GCN1: variants seen among roughly 807,000 people sequenced by gnomAD.
The protein encoded by GCN1 is stalled ribosome sensor GCN1.
GCN1 carries 90 observed loss-of-function variants against 288.4 expected under a neutral mutation model. The ratio of observed to expected loss-of-function variants is 0.31; its 90% CI spans 0.26 to 0.37. The LOEUF (loss-of-function observed/expected upper bound fraction) is 0.37. GCN1 is among the 10% of genes least tolerant of loss of function. The pLI, the probability that GCN1 is intolerant of heterozygous loss-of-function variation, is 1.00. For synonymous variants in GCN1, 1,386 were observed against 1,420.2 expected, an observed-to-expected ratio of 0.98 and a Z score of 0.54; for missense variants, 2,586 against 3,419.9, an observed-to-expected ratio of 0.76 and a Z score of 6.08.
At chr12:120,170,578 G>A (rs1878283712) in intron 14 of GCN1, among the ~76,000 whole-genome samples, 1 of 152,160 alleles carries the variant, frequency 6.6e-6, no homozygotes, top group African/African-American at 2.4e-5. Flanking sequence ...GGAGGCCGAG[G>A]CGGGTGGATC....
rs1297546200 is a variant in GCN1 at position 120,137,923 on chromosome 12, A to T, written c.6371T>A (p.Leu2124His). The T allele has an allele frequency of 1.2e-6, 2 of 1,614,100 alleles. No homozygotes were observed. Among genetic ancestry groups the T allele is most frequent in the South Asian group, 1.1e-5 (1 of 91,092 alleles). Residue 2124 changes from leucine to histidine, a missense_variant, in exon 48 of 58, where the codon CTT becomes CAT. Physicochemically the swap from Leu to His is moderately conservative, Grantham distance 99 (BLOSUM62 -3). Transcript: ENST00000300648. The surrounding 1 kb of genome is among the most constrained non-coding windows in gnomAD (Gnocchi z 5.2). ...PAVMLALKEK[L>H]GTPDEQLEMA... ...TACCAGCTGCTCATCTGGGGTCCCA[A>T]GCTTTTCCTTCAGGGCCAGCATGAC...
At chr12:120,157,172 G>A in intron 26 of GCN1, 180 bp from the exon 27 acceptor site, 1 of 508,210 alleles carries the variant, frequency 2.0e-6, no homozygotes, top group Non-Finnish European at 3.5e-6. Context: ...AGTCAACCAT[G>A]ATCCTCAGGA....
Position 120,184,894 on chromosome 12 carries a change from C to T in GCN1, c.122-7G>A, listed in dbSNP as rs1457210551. On this transcript the variant is annotated splice_region_variant and splice_polypyrimidine_tract_variant and intron_variant, in intron 2 of 57. Transcript: ENST00000300648. The stretch of plus-strand genomic sequence containing the variant: ...ACTGCTCCCTCTGGAAGATCTGAAA[C>T]CAGAGATTACACAGACAGCGGTCAA... 3.8e-6 allele frequency: 6 copies of T among 1,598,932 alleles called. No individual in the cohort carries two copies. Among genetic ancestry groups the T allele is most frequent in the Non-Finnish European group, 5.1e-6 (6 of 1,166,930 alleles).
Position 120,156,797 on chromosome 12 carries a change from A to G in GCN1, c.3168+115T>C. On this transcript the variant is annotated intron_variant, in intron 27 of 57. Coordinates refer to ENST00000300648, the MANE Select transcript of GCN1 (RefSeq NM_006836.2). The surrounding 1 kb of genome is among the most constrained non-coding windows in gnomAD (Gnocchi z 5.8). ...GCTGGCTCTCTAAAGCAGTCTTTCTACCAAAGTCCAAAAGTAAGGGCTGAA... is the reference window on the plus strand; with the variant it reads ...GCTGGCTCTCTAAAGCAGTCTTTCTGCCAAAGTCCAAAAGTAAGGGCTGAA... The G allele has an allele frequency of 1.1e-6, 1 of 951,718 alleles. No individual in the cohort carries two copies. Among genetic ancestry groups the G allele is most frequent in the African/African-American group, 1.6e-5 (1 of 62,136 alleles). The allele number at this position is 951,718 out of a possible 1,614,324, so 59.0% of individuals were successfully genotyped here.
Position 120,134,677 on chromosome 12 carries a change from G to C in GCN1, c.7058C>G (p.Thr2353Ser). 1 of 1,613,458 alleles carries C rather than the reference G, an allele frequency of 6.2e-7. No individual in the cohort carries two copies. The highest frequency in any genetic ancestry group is 8.5e-7 in the Non-Finnish European group (1 of 1,180,032). The change falls in exon 52 of 58, where the codon ACC becomes AGC. Residue 2353 changes from threonine to serine, a missense_variant. This residue lies in a region of GCN1 where 355 missense variants were observed against 431.1 expected (regional missense o/e 0.82). Coordinates refer to ENST00000300648, the MANE Select transcript of GCN1 (RefSeq NM_006836.2). The surrounding 1 kb of genome is among the most constrained non-coding windows in gnomAD (Gnocchi z 5.0). Reference sequence around the variant, plus strand: ...CCGGTTGGAGTCCTGCAGGGCTTTGGTGAAAGTGGTCTGCAGCTGGGGCAG... The same window carrying C: ...CCGGTTGGAGTCCTGCAGGGCTTTGCTGAAAGTGGTCTGCAGCTGGGGCAG... The part of the protein sequence containing the change: ...PFLPQLQTTF[T>S]KALQDSNRGV...
chr12:120,140,003 C>A (rs1877138327), intron 45 of GCN1, among the ~76,000 whole-genome samples: 1 of 152,248 alleles, frequency 6.6e-6, no homozygotes, highest in African/African-American at 2.4e-5. Context: ...ACTTTGCAGA[C>A]AAGAACTCAG....
Position 120,164,449 on chromosome 12 carries a change from G to C in GCN1, c.1735C>G (p.His579Asp), listed in dbSNP as rs748841734. ...GTCTGCTGAGCCTGCCTGCGGACGT[G>C]CCAGGTGCGGCTCAGGAGCACCGCC... ...LVAVLLSRTW[H>D]VRRQAQQTVR... is the part of the protein sequence containing the mutation. Residue 579 changes from histidine (H) to aspartate (D), a missense_variant, in exon 18 of 58, where the codon CAC (histidine) becomes GAC (aspartate). His to Asp is a moderately conservative substitution (Grantham distance 81). Around this residue, in one of 8 missense-constraint regions of GCN1, gnomAD observed 913 missense variants for 1,107.0 expected, o/e 0.82. Coordinates refer to ENST00000300648, the MANE Select transcript of GCN1 (RefSeq NM_006836.2). 4 of 1,614,050 alleles carry C rather than the reference G, an allele frequency of 2.5e-6. No individual in the cohort carries two copies. Among genetic ancestry groups the C allele is most frequent in the Non-Finnish European group, 3.4e-6 (4 of 1,180,006 alleles).
chr12:120,175,972 G>T, intron 10 of GCN1, 98 bp from the exon 11 acceptor site: 2 of 1,460,780 alleles, frequency 1.4e-6, no homozygotes, highest in Non-Finnish European at 1.9e-6. Context: ...AGTATTAGCT[G>T]TTTGCTCTCA....
At chr12:120,189,844 T>C (rs570528466) in intron 2 of GCN1, among the ~76,000 whole-genome samples, 2 of 152,106 alleles carry the variant, frequency 1.3e-5, no homozygotes, top group South Asian at 4.2e-4. Context: ...CTGGGTGTGG[T>C]GGCGCACACC....
intron 18 of GCN1, among the ~76,000 whole-genome samples, chr12:120,163,720 T>C (rs1256759804): frequency 6.6e-6 from 1 of 152,110 alleles, no homozygotes; most frequent in African/African-American, 2.4e-5. Context: ...ACAAGCCCTA[T>C]TTGCCTTTGA....
At position 120,164,434 on chromosome 12, in the gene GCN1, C is replaced by T; in HGVS notation, c.1750G>A (p.Ala584Thr). ...AGCAGCTTCCGAACTGTCTGCTGAG[C>T]CTGCCTGCGGACGTGCCAGGTGCGG... is the stretch of plus-strand genomic sequence containing the variant. Reference protein sequence around the residue: ...LSRTWHVRRQAQQTVRKLLSS... With the variant: ...LSRTWHVRRQTQQTVRKLLSS... Residue 584 changes from alanine (A) to threonine (T), a missense_variant, in exon 18 of 58, where the codon GCT (alanine) becomes ACT (threonine). Physicochemically the swap from Ala to Thr is moderately conservative, Grantham distance 58. This residue lies in a region of GCN1 where 913 missense variants were observed against 1,107.0 expected (regional missense o/e 0.82). Transcript: ENST00000300648. 6.2e-7 allele frequency: 1 copy of T among 1,614,140 alleles called. No homozygotes were observed. Among genetic ancestry groups the T allele is most frequent in the Non-Finnish European group, 8.5e-7 (1 of 1,179,972 alleles).
chr12:120,165,002 T>TACACACACACACACACAC (rs55710290), intron 16 of GCN1, among the ~76,000 whole-genome samples: 34 of 136,882 alleles, frequency 2.5e-4, no homozygotes, highest in African/African-American at 9.0e-4. Context: ...TACACATATA[T>TACACACACACACACACAC]ACACACACAC....
chr12:120,175,223 A>G lies in GCN1; in HGVS notation c.1043-11T>C. The G allele has an allele frequency of 6.2e-7, 1 of 1,611,344 alleles. No homozygotes were observed. Among genetic ancestry groups the G allele is most frequent in the Non-Finnish European group, 8.5e-7 (1 of 1,177,710 alleles). On this transcript the variant is annotated splice_polypyrimidine_tract_variant and intron_variant, in intron 11 of 57. Transcript: ENST00000300648. ...GTTTTCCTTCCGAGCCTGAGAAGAG[A>G]GACAGCAAAGATTCACATTCACATA...
At position 120,150,754 on chromosome 12, in the gene GCN1, G is replaced by A. The variant is rs566217768; in HGVS notation, c.4309+391C>T. On this transcript the variant is annotated intron_variant, in intron 34 of 57. Coordinates refer to ENST00000300648, the MANE Select transcript of GCN1 (RefSeq NM_006836.2). ...AGATCGAGACCATCCTGGCTAACAC[G>A]GTGAAACCCCGCCTCTACTAAAAAT... 3.5e-3 allele frequency among the ~76,000 whole-genome samples: 537 copies of A among 151,890 alleles called. 3 individuals carry two copies. The highest frequency in any genetic ancestry group is 0.012 in the African/African-American group (517 of 41,434).
rs1877870142 is a variant in GCN1, at chr12:120,159,838, C to T, written c.2736G>A (p.Arg912=). ...ACAAGGACTAACCCAAAGCCTTGAGCCTAGAGGGCATGACACAGGCAGCCA... is the reference window on the plus strand; with the variant it reads ...ACAAGGACTAACCCAAAGCCTTGAGTCTAGAGGGCATGACACAGGCAGCCA... ...LSLAACVMPS[R]LKALGTLVSH... is the part of the protein sequence containing the mutation. The change falls in exon 24 of 58, where the codon AGG becomes AGA. Residue 912 remains arginine (R), a synonymous_variant. Transcript: ENST00000300648. The T allele has an allele frequency of 1.2e-6, 2 of 1,614,080 alleles. No homozygotes were observed. Among genetic ancestry groups the T allele is most frequent in the African/African-American group, 2.7e-5 (2 of 75,048 alleles).
Position 120,134,815 on chromosome 12 carries a change from A to T in GCN1, c.7009-89T>A. The T allele has an allele frequency of 9.0e-7, 1 of 1,105,674 alleles. No homozygotes were observed. The highest frequency in any genetic ancestry group is 1.4e-6 in the Non-Finnish European group (1 of 736,346). 68.5% of individuals were successfully genotyped at this position (1,105,674 alleles called of 1,614,324 possible). ...AGGCATGAGAACAAATGACAATCCC[A>T]AACCACCACAGCGAGTCCAGCTCTC... On this transcript the variant is annotated intron_variant, in intron 51 of 57. Coordinates refer to ENST00000300648, the MANE Select transcript of GCN1 (RefSeq NM_006836.2). The surrounding 1 kb of genome is among the most constrained non-coding windows in gnomAD (Gnocchi z 5.0).
chr12:120,177,973 T>C (rs1310674647), intron 7 of GCN1, among the ~76,000 whole-genome samples: 3 of 152,162 alleles, frequency 2.0e-5, no homozygotes, highest in Non-Finnish European at 4.4e-5. Flanking sequence ...GTATGGCTTA[T>C]AAGGTCCTGC....
intron 2 of GCN1, among the ~76,000 whole-genome samples, chr12:120,189,093 G>A (rs1372967696): frequency 2.6e-5 from 4 of 152,126 alleles, no homozygotes; most frequent in East Asian, 1.9e-4. Context: ...TATTTGAGAC[G>A]GAGTCTTGCT....
Position 120,129,265 on chromosome 12 carries a change from C to A in GCN1, c.7890+11G>T. 1.9e-6 allele frequency: 3 copies of A among 1,601,894 alleles called. No individual in the cohort carries two copies. The highest frequency in any genetic ancestry group is 2.2e-5 in the East Asian group (1 of 44,814). Reference sequence around the variant, plus strand: ...CACAGCACATCCTGGTGAGGCCCCCCAGGCTCCCACCTGAAACACCTCTTC... The same window carrying A: ...CACAGCACATCCTGGTGAGGCCCCCAAGGCTCCCACCTGAAACACCTCTTC... On this transcript the variant is annotated intron_variant, in intron 57 of 57. Transcript: ENST00000300648.
Sources: allele counts gnomAD v4.1 joint callset (sites outside exome capture counted in the v4.1 genomes callset), GRCh38; gene constraint gnomAD v4.1.1; regional missense constraint gnomAD v4.1.1; non-coding constraint Gnocchi (gnomAD v3.1); transcripts MANE v1.5; gene names NCBI Gene and HGNC (gene_info 2026-07-23, HGNC 2026-07-21).